RBMS3: variants seen among roughly 807,000 people sequenced by gnomAD.
RBMS3 encodes RNA-binding motif, single-stranded-interacting protein 3.
In RBMS3, 27 loss-of-function variants were observed where a neutral mutation model predicts 66.8. The ratio of observed to expected loss-of-function variants is 0.40; its 90% CI spans 0.30 to 0.56. The LOEUF (loss-of-function observed/expected upper bound fraction) is 0.56. Among genes scored for constraint, RBMS3 ranks in the 20% least tolerant of loss-of-function variants. The pLI is 0.40. For synonymous variants in RBMS3, 188 were observed against 183.0 expected, an observed-to-expected ratio of 1.03 and a Z score of -0.22; for missense variants, 513 against 549.5, an observed-to-expected ratio of 0.93 and a Z score of 0.66.
chr3:29,897,985 T>C (rs540532133), intron 9 of RBMS3, among the ~76,000 whole-genome samples: 1 of 151,740 alleles, frequency 6.6e-6, no homozygotes, highest in South Asian at 2.1e-4. Flanking sequence ...TATTCCCTGC[T>C]CTTATTTCAT....
intron 10 of RBMS3, among the ~76,000 whole-genome samples, chr3:29,929,951 G>A (rs1033768355): frequency 6.6e-6 from 1 of 151,568 alleles, no homozygotes; most frequent in Admixed American, 6.6e-5. Context: ...TAAAGCCATT[G>A]GAAGTCATGT....
intron 1 of RBMS3, among the ~76,000 whole-genome samples, chr3:29,391,648 T>C (rs900939845): frequency 3.9e-5 from 6 of 152,154 alleles, no homozygotes; most frequent in Non-Finnish European, 8.8e-5. Context: ...ACCAAAATTA[T>C]ATTTGTGTAA....
At chr3:29,349,359 G>T (rs1192040289) in intron 1 of RBMS3, among the ~76,000 whole-genome samples, 1 of 152,158 alleles carries the variant, frequency 6.6e-6, no homozygotes, top group Non-Finnish European at 1.5e-5. Flanking sequence ...GTCTGAGAAT[G>T]CAGGTCAATC....
At chr3:29,780,184 T>A (rs2056579520) in intron 6 of RBMS3, among the ~76,000 whole-genome samples, 1 of 152,016 alleles carries the variant, frequency 6.6e-6, no homozygotes, top group African/African-American at 2.4e-5. Context: ...AACTAGTTTT[T>A]GCTGAAAATA....
chr3:29,556,927 C>G (rs2046387201), intron 3 of RBMS3, among the ~76,000 whole-genome samples: 1 of 152,098 alleles, frequency 6.6e-6, no homozygotes, highest in Non-Finnish European at 1.5e-5. Context: ...GGGATAAACT[C>G]TGAGGTATGA....
chr3:29,545,345 T>C (rs2045914209), intron 3 of RBMS3, among the ~76,000 whole-genome samples: 2 of 152,156 alleles, frequency 1.3e-5, no homozygotes. Context: ...TGTTTTTGTG[T>C]ATACTATATT....
chr3:29,992,092 T>C (rs905049653), intron 14 of RBMS3, among the ~76,000 whole-genome samples: 2 of 152,116 alleles, frequency 1.3e-5, no homozygotes, highest in African/African-American at 2.4e-5. Flanking sequence ...ATGCAAACTA[T>C]TCAACTTTGT....
intron 4 of RBMS3, among the ~76,000 whole-genome samples, chr3:29,717,730 A>C (rs533595945): frequency 6.6e-6 from 1 of 152,294 alleles, no homozygotes; most frequent in Middle Eastern, 3.4e-3. Context: ...CGTAAGTAGT[A>C]AAATTCAGAC....
At chr3:29,377,774 C>T (rs1179614421) in intron 1 of RBMS3, among the ~76,000 whole-genome samples, 1 of 152,188 alleles carries the variant, frequency 6.6e-6, no homozygotes, top group Non-Finnish European at 1.5e-5. Context: ...ATTGGGCAAA[C>T]TGATATATGA....
intron 4 of RBMS3, among the ~76,000 whole-genome samples, chr3:29,619,969 T>C (rs888021026): frequency 6.6e-6 from 1 of 152,152 alleles, no homozygotes; most frequent in Non-Finnish European, 1.5e-5. Flanking sequence ...TGTTGAATTG[T>C]ATTTATTGAA....
At chr3:29,524,697 G>A (rs2045020011) in intron 3 of RBMS3, among the ~76,000 whole-genome samples, 1 of 151,708 alleles carries the variant, frequency 6.6e-6, no homozygotes, top group Admixed American at 6.6e-5. Flanking sequence ...GCCCTCCTTG[G>A]CCTCACAAAG....
chr3:29,565,039 T>C (rs1163522378), intron 3 of RBMS3, among the ~76,000 whole-genome samples: 1 of 152,176 alleles, frequency 6.6e-6, no homozygotes, highest in African/African-American at 2.4e-5. Flanking sequence ...TAAGCATTCT[T>C]AGGTTGATCT....
intron 10 of RBMS3, among the ~76,000 whole-genome samples, chr3:29,924,189 C>A (rs2060869023): frequency 6.6e-6 from 1 of 152,174 alleles, no homozygotes; most frequent in African/African-American, 2.4e-5. Context: ...GCCATTGCTG[C>A]ACACTGAAAT....
intron 6 of RBMS3, among the ~76,000 whole-genome samples, chr3:29,859,224 G>A (rs1465737389): frequency 6.6e-6 from 1 of 152,040 alleles, no homozygotes; most frequent in Non-Finnish European, 1.5e-5. Flanking sequence ...ATTATTAGAG[G>A]GGCAGCATAC....
intron 4 of RBMS3, among the ~76,000 whole-genome samples, chr3:29,686,022 C>T (rs996789931): frequency 6.6e-6 from 1 of 152,182 alleles, no homozygotes; most frequent in African/African-American, 2.4e-5. Context: ...ATCTTCATTA[C>T]TGGAGATGGA....
intron 1 of RBMS3, among the ~76,000 whole-genome samples, chr3:29,416,347 A>G (rs1178256912): frequency 1.6e-5 from 2 of 124,068 alleles, no homozygotes; most frequent in Non-Finnish European, 3.5e-5. Flanking sequence ...ATCCTGTATA[A>G]TCATTTTGTA....
intron 1 of RBMS3, among the ~76,000 whole-genome samples, chr3:29,353,831 A>T (rs181217906): frequency 1.3e-5 from 2 of 152,132 alleles, no homozygotes; most frequent in African/African-American, 4.8e-5. Flanking sequence ...TTTAACACAT[A>T]TGCAGTTTCT....
chr3:29,895,384 A>G (rs1329816094), intron 8 of RBMS3, among the ~76,000 whole-genome samples: 1 of 151,486 alleles, frequency 6.6e-6, no homozygotes, highest in East Asian at 1.9e-4. Context: ...CAAGATGTAG[A>G]ACAGGTATCT....
At chr3:29,793,745 A>G (rs1337767174) in intron 6 of RBMS3, among the ~76,000 whole-genome samples, 2 of 152,184 alleles carry the variant, frequency 1.3e-5, no homozygotes, top group Admixed American at 6.5e-5. Context: ...TGTTTCAGAG[A>G]TGTATGGTCA....
Sources: gnomAD v4.1 joint callset for allele counts (sites outside exome capture counted in the v4.1 genomes callset) on GRCh38, gnomAD v4.1.1 for gene constraint, MANE v1.5 for transcripts, NCBI Gene and HGNC (gene_info 2026-07-23, HGNC 2026-07-21) for gene names.